INPP5D: variants seen among roughly 807,000 people sequenced by gnomAD.
INPP5D encodes inositol polyphosphate-5-phosphatase D.
A neutral mutation model predicts 122.9 loss-of-function variants in INPP5D; 33 were observed. The observed-to-expected ratio is 0.27, with a 90% CI of 0.20 to 0.36. The LOEUF (loss-of-function observed/expected upper bound fraction) is 0.36, where lower values mean the gene tolerates loss of function less well. Ranked by LOEUF, INPP5D falls within the 10% of genes least tolerant of loss-of-function variation. The pLI is 1.00. For synonymous variants in INPP5D, 584 were observed against 576.2 expected (o/e 1.01, Z -0.19); for missense variants, 1,053 against 1,412.7 (o/e 0.75, Z 4.08).
At position 233,060,344 on chromosome 2, in the gene INPP5D, T is replaced by C. The variant is rs1219509854; in HGVS notation, c.-135T>C. Reference sequence around the variant, plus strand: ...GCGCCTGAAACAGGAAGTCAGTCAGTTAAGCTGGTGGCAGCAGCCGAGGCC... The same window carrying C: ...GCGCCTGAAACAGGAAGTCAGTCAGCTAAGCTGGTGGCAGCAGCCGAGGCC... On this transcript the variant is annotated 5_prime_UTR_variant, in exon 1 of 27. Transcript: ENST00000445964. 2 of 997,046 alleles carry C rather than the reference T, an allele frequency of 2.0e-6. No individual in the cohort carries two copies. The highest frequency in any genetic ancestry group is 2.9e-6 in the Non-Finnish European group (2 of 689,106). The allele number at this position is 997,046 out of a possible 1,614,324, so 61.8% of individuals were successfully genotyped here.
At chr2:233,139,044 G>A (rs915928270) in intron 5 of INPP5D, among the ~76,000 whole-genome samples, 4 of 151,944 alleles carry the variant, frequency 2.6e-5, no homozygotes, top group African/African-American at 7.3e-5. Context: ...GTGAGCCACC[G>A]TGCCTGGCCC....
At chr2:233,101,070 C>G (rs772935502) in intron 2 of INPP5D, among the ~76,000 whole-genome samples, 1 of 152,016 alleles carries the variant, frequency 6.6e-6, no homozygotes, top group African/African-American at 2.4e-5. Flanking sequence ...GAAGGGAAGG[C>G]GGGTGTATCA....
intron 18 of INPP5D, among the ~76,000 whole-genome samples, chr2:233,179,264 G>A (rs1050561243): frequency 2.6e-5 from 4 of 152,116 alleles, no homozygotes; most frequent in South Asian, 2.1e-4. Flanking sequence ...GCCACCCGTC[G>A]GACTCTCCAG....
chr2:233,112,928 G>C (rs958302151), intron 2 of INPP5D, among the ~76,000 whole-genome samples: 2 of 152,130 alleles, frequency 1.3e-5, no homozygotes, highest in Non-Finnish European at 2.9e-5. Context: ...AAAGTGCTGG[G>C]AATACAGGTG....
At chr2:233,108,031 G>T (rs1418775055) in intron 2 of INPP5D, among the ~76,000 whole-genome samples, 1 of 152,154 alleles carries the variant, frequency 6.6e-6, no homozygotes, top group Non-Finnish European at 1.5e-5. Flanking sequence ...GCCAGTGCCA[G>T]TTTCCCCCCT....
chr2:233,187,852 G>T (rs1183674602), intron 21 of INPP5D, among the ~76,000 whole-genome samples: 1 of 152,124 alleles, frequency 6.6e-6, no homozygotes, highest in Non-Finnish European at 1.5e-5. Context: ...TCCAGGCAGG[G>T]CCTGAACAGT....
chr2:233,121,121 C>CT (rs369587747), intron 2 of INPP5D, among the ~76,000 whole-genome samples: 5,323 of 117,542 alleles, frequency 0.045, 164 homozygotes, highest in African/African-American at 0.088. Context: ...TTCTTTCTTT[C>CT]TTTTTTTTTT....
chr2:233,205,084 A>G (rs535834409), intron 26 of INPP5D: 5 of 209,170 alleles, frequency 2.4e-5, no homozygotes. Context: ...CATTGTTATT[A>G]TAAATTTGTT....
chr2:233,163,424 C>G (rs545196009), intron 11 of INPP5D, among the ~76,000 whole-genome samples: 1 of 152,296 alleles, frequency 6.6e-6, no homozygotes, highest in South Asian at 2.1e-4. Context: ...ATCGTAGCCT[C>G]AAAGTGCAGG....
intron 9 of INPP5D, among the ~76,000 whole-genome samples, chr2:233,155,941 G>T (rs1441079616): frequency 5.3e-5 from 8 of 152,128 alleles, no homozygotes; most frequent in Non-Finnish European, 1.0e-4. Context: ...CCACCCCCAG[G>T]TTCTGTGATT....
chr2:233,085,543 T>G (rs1464348065), intron 2 of INPP5D, among the ~76,000 whole-genome samples: 1 of 152,184 alleles, frequency 6.6e-6, no homozygotes, highest in Non-Finnish European at 1.5e-5. Flanking sequence ...TTCCTTTCAT[T>G]GATAGTACCT....
chr2:233,094,809 C>T (rs1480364457), intron 2 of INPP5D, among the ~76,000 whole-genome samples: 1 of 152,164 alleles, frequency 6.6e-6, no homozygotes, highest in Non-Finnish European at 1.5e-5. Context: ...GGCAGTCAGT[C>T]TCACTCACCA....
intron 1 of INPP5D, among the ~76,000 whole-genome samples, chr2:233,065,252 T>C (rs1691179422): frequency 2.0e-5 from 3 of 152,020 alleles, no homozygotes. Context: ...TTTGCATGTT[T>C]GTCTACCTGG....
At position 233,146,158 on chromosome 2, in the gene INPP5D, C is replaced by T. The variant is rs1425877216; in HGVS notation, c.754-4C>T. 1 of 704,216 alleles carries T rather than the reference C, an allele frequency of 1.4e-6. No individual in the cohort carries two copies. The highest frequency in any genetic ancestry group is 1.5e-5 in the South Asian group (1 of 67,594). 43.6% of individuals were successfully genotyped at this position (704,216 alleles called of 1,614,324 possible). A position where few individuals can be genotyped will look rare whatever the true frequency, so the allele number is the denominator to read the frequency against. On this transcript the variant is annotated splice_region_variant and splice_polypyrimidine_tract_variant and intron_variant, in intron 6 of 26. Transcript: ENST00000445964. Reference sequence around the variant, plus strand: ...GCCCTGATCCTCTTTCCCTCCTCTCCCAGGTTCCTGGTGAGGCCAATCCCA... The same window carrying T: ...GCCCTGATCCTCTTTCCCTCCTCTCTCAGGTTCCTGGTGAGGCCAATCCCA...
chr2:233,136,220 G>A (rs1305998905), intron 5 of INPP5D, among the ~76,000 whole-genome samples: 1 of 152,234 alleles, frequency 6.6e-6, no homozygotes. Flanking sequence ...GCTTATGCCA[G>A]TAATCCCAAC....
rs373389506 is a variant in INPP5D at position 233,090,323 on chromosome 2, G to T, written c.198+10925G>T. 3.9e-5 allele frequency among the ~76,000 whole-genome samples: 6 copies of T among 152,292 alleles called. No homozygotes were observed. In the East Asian group the frequency reaches 1.2e-3, roughly 29 times the overall value. ...AAATATTGAATTAATCCATACATGA[G>T]CAGTTAGTGATTTTTATAAAGAGAT... On this transcript the variant is annotated intron_variant, in intron 2 of 26. Coordinates refer to ENST00000445964, the MANE Select transcript of INPP5D (RefSeq NM_001017915.3).
chr2:233,184,560 C>T (rs768486280), intron 20 of INPP5D, 39 bp downstream of exon 20: 63 of 1,610,070 alleles, frequency 3.9e-5, no homozygotes, highest in East Asian at 1.1e-4. Flanking sequence ...CAGAACTGCC[C>T]GGAGCCTTCT....
chr2:233,071,299 GA>G (rs11432239), intron 1 of INPP5D, among the ~76,000 whole-genome samples: 1,837 of 142,942 alleles, frequency 0.013, 33 homozygotes, highest in African/African-American at 0.044. Context: ...TCAAAAAAAG[GA>G]AAAAAAAAAA....
intron 4 of INPP5D, among the ~76,000 whole-genome samples, chr2:233,129,884 TTGTGTGTGTGTGTGTGTG>T (rs140392015): frequency 3.3e-5 from 5 of 149,832 alleles, no homozygotes; most frequent in Admixed American, 2.7e-4. Context: ...TGGCCTCCTT[TTGTGTGTGTGTGTGTGTG>T]TGTGTGTGTG....
Sources: allele counts gnomAD v4.1 joint callset (sites outside exome capture counted in the v4.1 genomes callset), GRCh38; gene constraint gnomAD v4.1.1; transcripts MANE v1.5; gene names NCBI Gene and HGNC (gene_info 2026-07-23, HGNC 2026-07-21).